HGF: variants seen among roughly 807,000 people sequenced by gnomAD.
HGF encodes the protein fibroblast-derived tumor cytotoxic factor.
Under a neutral mutation model 111.6 loss-of-function variants are expected in HGF, and 39 were observed. The ratio of observed to expected loss-of-function variants is 0.35; its 90% CI spans 0.27 to 0.46. The LOEUF is 0.46. HGF is among the 20% of genes least tolerant of loss of function. The probability of loss-of-function intolerance (pLI) is 1.00; values close to 1 mark genes in which losing one functional copy is unlikely to be tolerated. For synonymous variants in HGF, 285 were observed against 294.8 expected, an observed-to-expected ratio of 0.97 and a Z score of 0.34; for missense variants, 735 against 910.5, an observed-to-expected ratio of 0.81 and a Z score of 2.48.
intron 2 of HGF, 67 bp downstream of exon 2, chr7:81,762,640 C>CA: frequency 8.7e-7 from 1 of 1,143,390 alleles, no homozygotes; most frequent in South Asian, 1.2e-5. Flanking sequence ...ACACAAAAGA[C>CA]ACATGATTAT....
In HGF at chr7:81,769,861, T is replaced by TGAA. The variant is rs763097053; in HGVS notation, c.88+20_88+22dup. The TGAA allele has an allele frequency of 6.6e-6, 10 of 1,513,492 alleles. No homozygotes were observed. In the Admixed American group the frequency reaches 7.8e-5, roughly 12 times the overall value. 93.8% of individuals were successfully genotyped at this position (1,513,492 alleles called of 1,614,324 possible). On this transcript the variant is annotated intron_variant, in intron 1 of 17. Transcript: ENST00000222390. ...GAGAGTTAAATACTAATACTAATAA[T>TGAA]GAAGAAGAAGAAGGGAACTAACCTG...
At chr7:81,716,217 T>C (rs1789708961) in intron 11 of HGF, among the ~76,000 whole-genome samples, 1 of 152,160 alleles carries the variant, frequency 6.6e-6, no homozygotes, top group Non-Finnish European at 1.5e-5. Context: ...ATCTAGTGGA[T>C]AGAGTCCAGG....
Position 81,747,096 on chromosome 7 carries a change from T to C in HGF, c.626-1976A>G, listed in dbSNP as rs539596006. Among the ~76,000 whole-genome samples, 4 of 152,280 alleles carry C rather than the reference T, an allele frequency of 2.6e-5. No individual in the cohort carries two copies. The South Asian group carries it at 8.3e-4, about 32-fold the overall frequency. ...GCTCACGCCTGTAATCCCAGCACTT[T>C]GGGAGGCCAAGATGGGCGGATCACG... On this transcript the variant is annotated intron_variant, in intron 5 of 17. Transcript: ENST00000222390.
At chr7:81,731,704 G>A (rs1418803629) in intron 7 of HGF, among the ~76,000 whole-genome samples, 1 of 152,054 alleles carries the variant, frequency 6.6e-6, no homozygotes, top group East Asian at 1.9e-4. Context: ...GAATGTATGG[G>A]GAAAGTCTTA....
chr7:81,718,353 T>A (rs79613211), intron 10 of HGF, among the ~76,000 whole-genome samples: 1,768 of 152,286 alleles, frequency 0.012, 40 homozygotes, highest in African/African-American at 0.041. Context: ...TCTTTAAGGT[T>A]ATGCCATATT....
chr7:81,759,162 A>T (rs1788937195), intron 2 of HGF, among the ~76,000 whole-genome samples: 1 of 152,200 alleles, frequency 6.6e-6, no homozygotes, highest in South Asian at 2.1e-4. Context: ...GTAACTTCAC[A>T]GAAAGTTGGA....
chr7:81,713,237 A>T (rs1460441535), intron 11 of HGF, among the ~76,000 whole-genome samples: 1 of 152,156 alleles, frequency 6.6e-6, no homozygotes, highest in African/African-American at 2.4e-5. Flanking sequence ...AAATTTGTAG[A>T]TATGGCCTTG....
At position 81,702,519 on chromosome 7, in the gene HGF, C is replaced by A. The variant is rs1789307954; in HGVS notation, c.*62G>T. 9.8e-6 allele frequency: 13 copies of A among 1,322,162 alleles called. No homozygotes were observed. The highest frequency in any genetic ancestry group is 1.1e-6 in the Non-Finnish European group (1 of 917,470). 81.9% of individuals were successfully genotyped at this position (1,322,162 alleles called of 1,614,324 possible). ...TAAGTGACATTTTAAATTCCACATT[C>A]TCTGAAATCTTCATGTAAAAGACAG... On this transcript the variant is annotated 3_prime_UTR_variant, in exon 18 of 18. Transcript: ENST00000222390.
rs1207594530 is a variant in HGF, at chr7:81,699,020, A to C, written c.*3561T>G. The C allele has an allele frequency of 1.3e-5, 2 of 151,462 alleles. No homozygotes were observed. Among genetic ancestry groups the C allele is most frequent in the African/African-American group, 2.4e-5 (1 of 41,380 alleles). 9.4% of individuals were successfully genotyped at this position (151,462 alleles called of 1,614,324 possible). ...CAGAGAAAATAAGCATTTTGATAAA[A>C]TATTTTATTAATAATAATAATATAA... On this transcript the variant is annotated 3_prime_UTR_variant, in exon 18 of 18. Transcript: ENST00000222390.
chr7:81,724,573 C>A (rs1278575066), intron 9 of HGF, among the ~76,000 whole-genome samples: 3 of 152,096 alleles, frequency 2.0e-5, no homozygotes, highest in Non-Finnish European at 4.4e-5. Flanking sequence ...GAAAAATCTA[C>A]CTTTTAAAAA....
At chr7:81,752,024 G>C (rs1471214722) in intron 5 of HGF, 96 bp downstream of exon 5, 1 of 1,566,682 alleles carries the variant, frequency 6.4e-7, no homozygotes, top group African/African-American at 1.4e-5. Context: ...CAACATATTT[G>C]TTATGATTGA....
At chr7:81,752,518 A>G (rs1175525668) in intron 4 of HGF, among the ~76,000 whole-genome samples, 2 of 152,050 alleles carry the variant, frequency 1.3e-5, no homozygotes, top group Non-Finnish European at 2.9e-5. Context: ...GCTGAGTCAA[A>G]CATTCTAGAA....
chr7:81,761,762 C>T lies in HGF; in HGVS notation c.254+945G>A, dbSNP rs922187569. On this transcript the variant is annotated intron_variant, in intron 2 of 17. Coordinates refer to ENST00000222390, the MANE Select transcript of HGF (RefSeq NM_000601.6). The stretch of plus-strand genomic sequence containing the variant: ...CATCAGTTCCCAACCTTTTTGGCAC[C>T]AGGGACTGGTTTATTTTTCCAAGGG... Among the ~76,000 whole-genome samples the T allele has an allele frequency of 2.7e-5, 3 of 112,528 alleles. No homozygotes were observed. The South Asian group carries it at 8.5e-4, about 32-fold the overall frequency. The allele number at this position is 112,528 out of a possible 152,430, so 73.8% of individuals were successfully genotyped here. A position where few individuals can be genotyped will look rare whatever the true frequency, so the allele number is the denominator to read the frequency against.
intron 7 of HGF, among the ~76,000 whole-genome samples, chr7:81,741,140 CTT>C (rs1397578433): frequency 6.6e-6 from 1 of 152,150 alleles, no homozygotes; most frequent in Non-Finnish European, 1.5e-5. Flanking sequence ...AGTATCGTCT[CTT>C]TATAGTCATA....
chr7:81,709,680 T>C (rs577404591), intron 13 of HGF, among the ~76,000 whole-genome samples: 15 of 152,266 alleles, frequency 9.9e-5, no homozygotes, highest in Admixed American at 8.5e-4. Context: ...TGCTCTAGAA[T>C]TTAAAATTAC....
intron 7 of HGF, chr7:81,736,857 G>C: frequency 2.4e-6 from 1 of 418,542 alleles, no homozygotes; most frequent in South Asian, 1.7e-5. Context: ...TAAGATCAAA[G>C]GAAATCACTG....
chr7:81,751,405 C>T, intron 5 of HGF: 2 of 985,338 alleles, frequency 2.0e-6, no homozygotes, highest in Non-Finnish European at 2.4e-6. Flanking sequence ...ACTCTTCCAT[C>T]TTGTCAGCCA....
chr7:81,720,923 T>C (rs773051196), intron 9 of HGF, 76 bp from the exon 10 acceptor site: 42 of 810,264 alleles, frequency 5.2e-5, no homozygotes, highest in Non-Finnish European at 8.9e-5. Context: ...TACAAGTATA[T>C]GGAATCATGA....
At chr7:81,758,900 C>A (rs1788924183) in intron 2 of HGF, 96 bp from the exon 3 acceptor site, 1 of 772,698 alleles carries the variant, frequency 1.3e-6, no homozygotes, top group African/African-American at 1.8e-5. Context: ...GGCATATGGA[C>A]AATATAGAAA....
Sources: gnomAD v4.1 joint callset for allele counts (sites outside exome capture counted in the v4.1 genomes callset) on GRCh38, gnomAD v4.1.1 for gene constraint, MANE v1.5 for transcripts, NCBI Gene and HGNC (gene_info 2026-07-23, HGNC 2026-07-21) for gene names.